ROBO2: variants seen among roughly 807,000 people sequenced by gnomAD.
ROBO2 encodes roundabout guidance receptor 2.
In ROBO2, 53 loss-of-function variants were observed where a neutral mutation model predicts 160.8. The ratio of observed to expected loss-of-function variants is 0.33; its 90% CI spans 0.26 to 0.41. The LOEUF (loss-of-function observed/expected upper bound fraction) is 0.41. Among genes scored for constraint, ROBO2 ranks in the 10% least tolerant of loss-of-function variants. The probability of loss-of-function intolerance (pLI) is 1.00; values close to 1 mark genes in which losing one functional copy is unlikely to be tolerated. For synonymous variants in ROBO2, 664 were observed against 611.7 expected (o/e 1.09, Z -1.26); for missense variants, 1,577 against 1,722.4 (o/e 0.92, Z 1.49).
chr3:76,262,223 T>C (rs1391082282), intron 2 of ROBO2, among the ~76,000 whole-genome samples: 4 of 152,170 alleles, frequency 2.6e-5, no homozygotes, highest in Non-Finnish European at 5.9e-5. Flanking sequence ...TTAATACTTA[T>C]TAAATATTAT....
intron 2 of ROBO2, among the ~76,000 whole-genome samples, chr3:76,763,151 C>T (rs2061396111): frequency 6.8e-6 from 1 of 147,678 alleles, no homozygotes; most frequent in Admixed American, 6.9e-5. Context: ...AATGCGTGAA[C>T]ATTCTTAACA....
chr3:76,797,859 G>A (rs1443469210), intron 2 of ROBO2, among the ~76,000 whole-genome samples: 1 of 151,744 alleles, frequency 6.6e-6, no homozygotes, highest in Non-Finnish European at 1.5e-5. Context: ...AATCTGTCAA[G>A]ATTCAACCAT....
At chr3:76,328,002 G>A (rs1265629455) in intron 2 of ROBO2, among the ~76,000 whole-genome samples, 1 of 152,052 alleles carries the variant, frequency 6.6e-6, no homozygotes, top group Non-Finnish European at 1.5e-5. Flanking sequence ...TGGGTTAAAT[G>A]TGTGTTTCAA....
chr3:76,400,184 T>C (rs537096636), intron 2 of ROBO2, among the ~76,000 whole-genome samples: 2 of 151,776 alleles, frequency 1.3e-5, no homozygotes, highest in African/African-American at 4.8e-5. Flanking sequence ...ATACTTAAAA[T>C]TGAATAAAAA....
At chr3:76,448,244 TAAG>T (rs1302468777) in intron 2 of ROBO2, among the ~76,000 whole-genome samples, 7 of 152,270 alleles carry the variant, frequency 4.6e-5, no homozygotes, top group Middle Eastern at 3.4e-3. Flanking sequence ...TTTAAACTAA[TAAG>T]AATATTTAAT....
chr3:76,788,395 A>C (rs1320920871), intron 2 of ROBO2, among the ~76,000 whole-genome samples: 2 of 151,362 alleles, frequency 1.3e-5, no homozygotes. Context: ...AGTTCTTTTT[A>C]TCTCTCTAAA....
At chr3:76,921,552 T>C (rs1030753161) in intron 2 of ROBO2, among the ~76,000 whole-genome samples, 8 of 152,028 alleles carry the variant, frequency 5.3e-5, no homozygotes, top group Admixed American at 2.6e-4. Context: ...GCAGAGGTTG[T>C]AGTGTGCCGG....
At chr3:77,016,270 T>C (rs1199862116) in intron 2 of ROBO2, among the ~76,000 whole-genome samples, 2 of 151,766 alleles carry the variant, frequency 1.3e-5, no homozygotes, top group African/African-American at 4.8e-5. Flanking sequence ...CCACCGCACC[T>C]GGCCCTAATA....
At chr3:76,158,126 C>T (rs1231177334) in intron 2 of ROBO2, among the ~76,000 whole-genome samples, 3 of 152,098 alleles carry the variant, frequency 2.0e-5, no homozygotes, top group Admixed American at 2.0e-4. Context: ...ATGCCATATG[C>T]TCTCCATCTA....
intron 2 of ROBO2, among the ~76,000 whole-genome samples, chr3:76,985,311 G>A (rs7426624): frequency 0.18 from 27,958 of 151,698 alleles, 2,664 homozygotes; most frequent in African/African-American, 0.2. Flanking sequence ...GGCCGGGCAC[G>A]GTGGCTCACA....
At chr3:76,529,063 G>A (rs138091621) in intron 2 of ROBO2, among the ~76,000 whole-genome samples, 6 of 152,120 alleles carry the variant, frequency 3.9e-5, no homozygotes, top group African/African-American at 7.2e-5. Context: ...GACTGAAATG[G>A]GTTCAAGAGA....
rs539878925 is a variant in ROBO2 at position 76,692,893 on chromosome 3, C to A, written c.110-405121C>A. 8.5e-3 allele frequency among the ~76,000 whole-genome samples: 1,289 copies of A among 151,612 alleles called. 14 individuals carry two copies. Among genetic ancestry groups the A allele is most frequent in the African/African-American group, 0.029 (1,192 of 41,316 alleles). On this transcript the variant is annotated intron_variant, in intron 2 of 26. Transcript: ENST00000487694. ...AAACACACTATATAACTCTCTCTCT[C>A]TCTCTCTATATATATAGTGTGTGTG...
chr3:76,303,038 A>G (rs1293513220), intron 2 of ROBO2, among the ~76,000 whole-genome samples: 1 of 152,188 alleles, frequency 6.6e-6, no homozygotes, highest in Non-Finnish European at 1.5e-5. Context: ...TTGATGTAGC[A>G]TAGCCAATAA....
At chr3:76,867,089 T>C (rs1218815780) in intron 2 of ROBO2, among the ~76,000 whole-genome samples, 12 of 152,166 alleles carry the variant, frequency 7.9e-5, no homozygotes, top group Admixed American at 7.2e-4. Context: ...CATTGGTTCA[T>C]TTCAACAGAC....
intron 8 of ROBO2, among the ~76,000 whole-genome samples, chr3:77,553,669 G>A (rs1222965873): frequency 6.6e-6 from 1 of 151,910 alleles, no homozygotes; most frequent in East Asian, 1.9e-4. Flanking sequence ...AAGTTTTAGA[G>A]TCTGGATAGA....
chr3:77,128,370 G>C (rs953425950), intron 2 of ROBO2, among the ~76,000 whole-genome samples: 1 of 152,064 alleles, frequency 6.6e-6, no homozygotes, highest in Admixed American at 6.6e-5. Flanking sequence ...AAAAAAACAT[G>C]GTATATACTG....
intron 2 of ROBO2, among the ~76,000 whole-genome samples, chr3:76,467,610 A>C (rs1430384580): frequency 2.6e-5 from 4 of 151,962 alleles, no homozygotes; most frequent in African/African-American, 4.8e-5. Context: ...CCTCTGTTCC[A>C]CTCCAACAAT....
intron 2 of ROBO2, among the ~76,000 whole-genome samples, chr3:77,436,295 T>C (rs1383673748): frequency 6.6e-6 from 1 of 151,412 alleles, no homozygotes; most frequent in Non-Finnish European, 1.5e-5. Context: ...TAAAATTTAA[T>C]ATACTGTAGT....
chr3:77,510,435 C>T (rs753105968), intron 5 of ROBO2, among the ~76,000 whole-genome samples: 7 of 151,852 alleles, frequency 4.6e-5, no homozygotes, highest in African/African-American at 1.7e-4. Context: ...TGGCAGGATC[C>T]GACATTTGAA....
Sources: allele counts gnomAD v4.1 joint callset (sites outside exome capture counted in the v4.1 genomes callset), GRCh38; gene constraint gnomAD v4.1.1; transcripts MANE v1.5; gene names NCBI Gene and HGNC (gene_info 2026-07-23, HGNC 2026-07-21).